DIP2B: variants seen among roughly 807,000 people sequenced by gnomAD.
DIP2B encodes disco-interacting protein 2 homolog B.
In DIP2B, 76 loss-of-function variants were observed where a neutral mutation model predicts 198.0. That is an observed-to-expected ratio of 0.38 (90% confidence interval 0.32 to 0.46). DIP2B has a LOEUF of 0.46. DIP2B is among the 20% of genes least tolerant of loss of function. DIP2B has a pLI of 0.99. For missense variants in DIP2B, 1,559 were observed against 1,978.4 expected, an observed-to-expected ratio of 0.79 and a Z score of 4.02; for synonymous variants, 701 against 739.1, an observed-to-expected ratio of 0.95 and a Z score of 0.84.
intron 3 of DIP2B, among the ~76,000 whole-genome samples, chr12:50,648,540 T>C (rs1423515605): frequency 6.6e-6 from 1 of 152,072 alleles, no homozygotes; most frequent in Non-Finnish European, 1.5e-5. Context: ...ATTTTTTGTA[T>C]TTTTAGTAGA....
At chr12:50,653,180 A>G (rs1938488151) in intron 3 of DIP2B, among the ~76,000 whole-genome samples, 1 of 151,898 alleles carries the variant, frequency 6.6e-6, no homozygotes, top group African/African-American at 2.4e-5. Flanking sequence ...TTAGTTACTG[A>G]TTCAATCTCC....
intron 1 of DIP2B, among the ~76,000 whole-genome samples, chr12:50,545,562 A>G (rs774359881): frequency 6.6e-6 from 1 of 152,054 alleles, no homozygotes; most frequent in Non-Finnish European, 1.5e-5. Flanking sequence ...ATTTTTTTAC[A>G]GATAGTGTCT....
Position 50,741,552 on chromosome 12 carries a change from G to C in DIP2B, c.4478+13G>C. On this transcript the variant is annotated intron_variant, in intron 37 of 37. Transcript: ENST00000301180. ...GCATTGCTGAATGGTAACTCCCTCA[G>C]CATACACTGTGCTTCCCACTTCAGC... is the stretch of plus-strand genomic sequence containing the variant. 1 of 1,609,528 alleles carries C rather than the reference G, an allele frequency of 6.2e-7. No individual in the cohort carries two copies. Among genetic ancestry groups the C allele is most frequent in the East Asian group, 2.2e-5 (1 of 44,850 alleles).
At chr12:50,559,313 C>CTTTTTTTTTTTTTTTTT (rs11301460) in intron 1 of DIP2B, among the ~76,000 whole-genome samples, 1 of 123,040 alleles carries the variant, frequency 8.1e-6, no homozygotes. Flanking sequence ...AATTATTTGT[C>CTTTTTTTTTTTTTTTTT]TTTTTTTTTT....
At position 50,654,946 on chromosome 12, in the gene DIP2B, CTG is replaced by C. The variant is rs371991425; in HGVS notation, c.302-5246_302-5245del. On this transcript the variant is annotated intron_variant, in intron 3 of 37. Transcript: ENST00000301180. ...TAGTAGTAATGCAGTGTGGTAAAAA[CTG>C]TTTTGGGGGAGGAATTTTTCAAGAT... The C allele has an allele frequency of 2.0e-3, 853 of 437,300 alleles. 9 individuals are homozygous for C. Among genetic ancestry groups the C allele is most frequent in the African/African-American group, 0.016 (789 of 49,688 alleles). 27.1% of individuals were successfully genotyped at this position (437,300 alleles called of 1,614,324 possible).
chr12:50,656,039 A>G (rs1403596984), intron 3 of DIP2B, among the ~76,000 whole-genome samples: 3 of 152,222 alleles, frequency 2.0e-5, no homozygotes, highest in African/African-American at 7.2e-5. Context: ...AGAAATGAGT[A>G]AAATATATTG....
intron 23 of DIP2B, 116 bp downstream of exon 23, chr12:50,714,712 G>A: frequency 7.9e-7 from 1 of 1,265,672 alleles, no homozygotes; most frequent in South Asian, 1.4e-5. Context: ...GGCCAAGGTG[G>A]GAGGGTCGTG....
chr12:50,662,180 C>A (rs1215215804), intron 4 of DIP2B, among the ~76,000 whole-genome samples: 1 of 152,160 alleles, frequency 6.6e-6, no homozygotes, highest in Non-Finnish European at 1.5e-5. Flanking sequence ...ACAATCCTTT[C>A]TCCTAAGACT....
chr12:50,548,852 A>G (rs1958400088), intron 1 of DIP2B, among the ~76,000 whole-genome samples: 1 of 152,182 alleles, frequency 6.6e-6, no homozygotes, highest in African/African-American at 2.4e-5. Context: ...AGTGTAAGAT[A>G]CTAAGAGGTG....
Position 50,576,871 on chromosome 12 carries a change from A to AT in DIP2B, c.101-49096dup, listed in dbSNP as rs1228721586. Among the ~76,000 whole-genome samples the AT allele has an allele frequency of 1.9e-3, 271 of 144,426 alleles. 1 individual carries two copies. The highest frequency in any genetic ancestry group is 1.8e-3 in the South Asian group (8 of 4,538). The allele number at this position is 144,426 out of a possible 152,430, so 94.7% of individuals were successfully genotyped here. On this transcript the variant is annotated intron_variant, in intron 1 of 37. Coordinates refer to ENST00000301180, the MANE Select transcript of DIP2B (RefSeq NM_173602.3). ...CCTGCAAACATCCCTTGTTATTATT[A>AT]TTTTTTTTTGATACGGAGTTTCGGT... is the stretch of plus-strand genomic sequence containing the variant.
rs755235719 is a variant in DIP2B, at chr12:50,737,085, C to T, written c.4151C>T (p.Pro1384Leu). Residue 1384 changes from proline to leucine, a missense_variant, in exon 35 of 38, where the codon CCG becomes CTG. Pro to Leu is a moderately conservative substitution (Grantham distance 98). Coordinates refer to ENST00000301180, the MANE Select transcript of DIP2B (RefSeq NM_173602.3). ...VVIVNPETKG[P>L]VGDSHLGEIW... Reference sequence around the variant, plus strand: ...ATTGTTAATCCTGAGACCAAAGGGCCGGTTGGAGACTCTCACCTTGGAGAG... The same window carrying T: ...ATTGTTAATCCTGAGACCAAAGGGCTGGTTGGAGACTCTCACCTTGGAGAG... The T allele has an allele frequency of 1.4e-5, 22 of 1,613,804 alleles. No individual in the cohort carries two copies. Among genetic ancestry groups the T allele is most frequent in the South Asian group, 1.3e-4 (12 of 91,062 alleles).
At chr12:50,537,590 G>A (rs990799915) in intron 1 of DIP2B, among the ~76,000 whole-genome samples, 3 of 152,246 alleles carry the variant, frequency 2.0e-5, no homozygotes, top group Admixed American at 1.3e-4. Context: ...TGTTCAATAG[G>A]CAGTTAGAAG....
At chr12:50,734,335 T>C in intron 33 of DIP2B, 139 bp downstream of exon 33, 1 of 784,876 alleles carries the variant, frequency 1.3e-6, no homozygotes, top group South Asian at 1.7e-5. Context: ...GAATTTGTTT[T>C]TATCATTAAT....
intron 1 of DIP2B, among the ~76,000 whole-genome samples, chr12:50,520,323 A>G (rs1302042893): frequency 1.3e-5 from 2 of 152,134 alleles, no homozygotes; most frequent in Non-Finnish European, 2.9e-5. Context: ...GGCGTGAGCC[A>G]CCGTACCCGG....
At chr12:50,671,819 A>G (rs1258430261) in intron 5 of DIP2B, among the ~76,000 whole-genome samples, 1 of 152,260 alleles carries the variant, frequency 6.6e-6, no homozygotes, top group Non-Finnish European at 1.5e-5. Context: ...CTGAGCCAAT[A>G]TCAGTGAGGA....
At chr12:50,517,854 T>C (rs1958079557) in intron 1 of DIP2B, among the ~76,000 whole-genome samples, 1 of 152,224 alleles carries the variant, frequency 6.6e-6, no homozygotes, top group African/African-American at 2.4e-5. Context: ...TAACTTCTGT[T>C]TCAGTTTCCT....
chr12:50,640,653 G>T, intron 2 of DIP2B, 71 bp from the exon 3 acceptor site: 2 of 1,549,712 alleles, frequency 1.3e-6, no homozygotes, highest in South Asian at 1.2e-5. Flanking sequence ...TTGTGAGAAT[G>T]CTTAAAGTGC....
intron 10 of DIP2B, among the ~76,000 whole-genome samples, chr12:50,683,699 C>T (rs1939084307): frequency 6.6e-6 from 1 of 152,100 alleles, no homozygotes; most frequent in Non-Finnish European, 1.5e-5. Flanking sequence ...AGGAGAATGG[C>T]GTGAACCCTA....
chr12:50,661,325 G>A (rs1434252425), intron 4 of DIP2B, among the ~76,000 whole-genome samples: 3 of 152,042 alleles, frequency 2.0e-5, no homozygotes, highest in Non-Finnish European at 4.4e-5. Flanking sequence ...AGATTCCTAG[G>A]TTGCCTTATG....
Sources: gnomAD v4.1 joint callset for allele counts (sites outside exome capture counted in the v4.1 genomes callset) on GRCh38, gnomAD v4.1.1 for gene constraint, MANE v1.5 for transcripts, NCBI Gene and HGNC (gene_info 2026-07-23, HGNC 2026-07-21) for gene names.